The following NWD2 variants were observed in gnomAD, a reference collection of about 807,000 sequenced individuals.
NWD2 encodes NACHT and WD repeat domain containing 2.
Under a neutral mutation model 132.7 loss-of-function variants are expected in NWD2, and 37 were observed. The ratio of observed to expected loss-of-function variants is 0.28; its 90% CI spans 0.21 to 0.37. The LOEUF (loss-of-function observed/expected upper bound fraction) is 0.37. Among genes scored for constraint, NWD2 ranks in the 10% least tolerant of loss-of-function variants. The probability of loss-of-function intolerance (pLI) is 1.00; values close to 1 mark genes in which losing one functional copy is unlikely to be tolerated. For synonymous variants in NWD2, 705 were observed against 803.0 expected, an observed-to-expected ratio of 0.88 and a Z score of 2.06; for missense variants, 1,592 against 2,122.4, an observed-to-expected ratio of 0.75 and a Z score of 4.91.
At chr4:37,432,595 AG>A (rs1475673219) in intron 4 of NWD2, among the ~76,000 whole-genome samples, 1 of 152,156 alleles carries the variant, frequency 6.6e-6, no homozygotes, top group East Asian at 1.9e-4. Flanking sequence ...ATTTTGTGAA[AG>A]GTTCATGTGT....
At chr4:37,247,184 A>G (rs1717261014) in intron 1 of NWD2, among the ~76,000 whole-genome samples, 1 of 152,206 alleles carries the variant, frequency 6.6e-6, no homozygotes, top group Non-Finnish European at 1.5e-5. Flanking sequence ...TCCAAATTGG[A>G]GAGCGGATGG....
rs1712112455 is a variant in NWD2 at position 37,429,527 on chromosome 4, G to A, written c.358-1045G>A. On this transcript the variant is annotated intron_variant, in intron 3 of 6. Transcript: ENST00000309447. ...GACGGGGTTTCATCATGTTGGACAG[G>A]CTGGTCTTGAGCTCCTGGCCTCAAG... Among the ~76,000 whole-genome samples, 3 of 152,014 alleles carry A rather than the reference G, an allele frequency of 2.0e-5. No homozygotes were observed. In the South Asian group the frequency reaches 6.2e-4, roughly 32 times the overall value.
intron 3 of NWD2, among the ~76,000 whole-genome samples, chr4:37,377,343 A>C (rs892284898): frequency 6.6e-6 from 1 of 152,248 alleles, no homozygotes; most frequent in Non-Finnish European, 1.5e-5. Context: ...TTAGTAAAAC[A>C]AAAAATTAAA....
intron 3 of NWD2, among the ~76,000 whole-genome samples, chr4:37,395,608 A>AAAAAAAAAAAAAG: frequency 6.7e-6 from 1 of 149,294 alleles, no homozygotes; most frequent in East Asian, 2.0e-4. Flanking sequence ...AAAAAAAAAA[A>AAAAAAAAAAAAAG]AGAGTCTGCC....
chr4:37,318,114 C>T (rs1459690653), intron 1 of NWD2, among the ~76,000 whole-genome samples: 1 of 151,492 alleles, frequency 6.6e-6, no homozygotes, highest in Non-Finnish European at 1.5e-5. Flanking sequence ...CAACCTCCAC[C>T]TCCCAAGTTC....
intron 3 of NWD2, among the ~76,000 whole-genome samples, chr4:37,404,158 T>C (rs1424507458): frequency 2.0e-5 from 3 of 152,220 alleles, no homozygotes; most frequent in Admixed American, 2.0e-4. Flanking sequence ...AACCTGAGTT[T>C]ACATCTCCAT....
At chr4:37,291,547 A>G (rs891611079) in intron 1 of NWD2, among the ~76,000 whole-genome samples, 3 of 152,200 alleles carry the variant, frequency 2.0e-5, no homozygotes, top group Non-Finnish European at 4.4e-5. Context: ...AAGTATTTTT[A>G]TAACATTCAA....
chr4:37,302,854 A>C (rs1473161914), intron 1 of NWD2, among the ~76,000 whole-genome samples: 1 of 152,102 alleles, frequency 6.6e-6, no homozygotes, highest in Non-Finnish European at 1.5e-5. Context: ...TCTAAATATT[A>C]ATCTCTTGTT....
At chr4:37,368,744 A>T (rs1720149773) in intron 3 of NWD2, among the ~76,000 whole-genome samples, 1 of 152,146 alleles carries the variant, frequency 6.6e-6, no homozygotes, top group Admixed American at 6.6e-5. Context: ...TGAAGGTAGA[A>T]TATAGGGTTA....
At chr4:37,364,894 C>G (rs867845649) in intron 3 of NWD2, among the ~76,000 whole-genome samples, 3 of 152,088 alleles carry the variant, frequency 2.0e-5, no homozygotes, top group African/African-American at 7.2e-5. Flanking sequence ...AATATGACAA[C>G]TTAAGGGATT....
In NWD2 at chr4:37,244,923, C is replaced by A; in HGVS notation, c.-145C>A. 9.1e-7 allele frequency: 1 copy of A among 1,097,714 alleles called. No individual in the cohort carries two copies. The highest frequency in any genetic ancestry group is 1.3e-6 in the Non-Finnish European group (1 of 795,666). The allele number at this position is 1,097,714 out of a possible 1,614,324, so 68.0% of individuals were successfully genotyped here. A position where few individuals can be genotyped will look rare whatever the true frequency, so the allele number is the denominator to read the frequency against. On this transcript the variant is annotated 5_prime_UTR_variant, in exon 1 of 7. Coordinates refer to ENST00000309447, the MANE Select transcript of NWD2 (RefSeq NM_001144990.2). This position sits in a 1 kb window ranked among gnomAD's most constrained non-coding sequence, Gnocchi z 5.5. Reference sequence around the variant, plus strand: ...GGGTGCTGTGCGCCACGGAGCTCGCCAAAGGCGCTTCGGGCTCGGAGCGGC... The same window carrying A: ...GGGTGCTGTGCGCCACGGAGCTCGCAAAAGGCGCTTCGGGCTCGGAGCGGC...
chr4:37,256,559 A>C (rs907887588), intron 1 of NWD2, among the ~76,000 whole-genome samples: 8 of 152,236 alleles, frequency 5.3e-5, no homozygotes, highest in African/African-American at 1.9e-4. Context: ...TTCAGAAACT[A>C]CTGAAGGCAC....
intron 3 of NWD2, among the ~76,000 whole-genome samples, chr4:37,358,352 G>C (rs73130367): frequency 5.5e-4 from 83 of 150,280 alleles, no homozygotes; most frequent in African/African-American, 2.0e-3. Context: ...ACGTGGTTTG[G>C]GGGGGTTGGG....
At chr4:37,418,743 T>G (rs1468138660) in intron 3 of NWD2, among the ~76,000 whole-genome samples, 1 of 152,082 alleles carries the variant, frequency 6.6e-6, no homozygotes, top group Non-Finnish European at 1.5e-5. Flanking sequence ...ATTGCCACAC[T>G]GTCTTCCATA....
chr4:37,442,208 T>C (rs1445232821), intron 6 of NWD2, among the ~76,000 whole-genome samples: 1 of 152,164 alleles, frequency 6.6e-6, no homozygotes, highest in East Asian at 1.9e-4. Flanking sequence ...CAAACTTACC[T>C]CCTAATGTGT....
intron 1 of NWD2, among the ~76,000 whole-genome samples, chr4:37,316,764 G>A (rs560225850): frequency 2.2e-4 from 33 of 151,940 alleles, no homozygotes; most frequent in East Asian, 5.8e-4. Context: ...GACAATTTCC[G>A]TTGACATTTT....
chr4:37,395,996 T>C (rs1405727314), intron 3 of NWD2, among the ~76,000 whole-genome samples: 2 of 151,898 alleles, frequency 1.3e-5, no homozygotes, highest in Non-Finnish European at 2.9e-5. Context: ...AATGCACATT[T>C]ATAGGCAGCG....
intron 1 of NWD2, among the ~76,000 whole-genome samples, chr4:37,291,218 A>T (rs1295738402): frequency 6.6e-6 from 1 of 151,202 alleles, no homozygotes; most frequent in African/African-American, 2.4e-5. Flanking sequence ...TTCTTGCGTT[A>T]TTTAATAGTT....
intron 1 of NWD2, among the ~76,000 whole-genome samples, chr4:37,310,112 C>G (rs1268475021): frequency 1.3e-5 from 2 of 152,114 alleles, no homozygotes; most frequent in African/African-American, 4.8e-5. Context: ...ACTTTGTCTC[C>G]AATCTACCAT....
Sources: gnomAD v4.1 joint callset for allele counts (sites outside exome capture counted in the v4.1 genomes callset) on GRCh38, gnomAD v4.1.1 for gene constraint, Gnocchi (gnomAD v3.1) non-coding constraint, MANE v1.5 for transcripts, NCBI Gene and HGNC (gene_info 2026-07-23, HGNC 2026-07-21) for gene names.